The following CNTN5 variants were observed in gnomAD, a reference collection of about 807,000 sequenced individuals.
CNTN5 encodes the protein contactin-5.
In CNTN5, 77 loss-of-function variants were observed where a neutral mutation model predicts 129.1. The observed-to-expected ratio is 0.60, with a 90% confidence interval of 0.50 to 0.72. CNTN5 has a LOEUF of 0.72. Ranked by LOEUF, CNTN5 falls within the 30% of genes least tolerant of loss-of-function variation. CNTN5 has a pLI of 0.00. For synonymous variants in CNTN5, 509 were observed against 465.6 expected (o/e 1.09, Z -1.20); for missense variants, 1,478 against 1,328.8 (o/e 1.11, Z -1.75).
At chr11:99,831,855 A>G (rs1477477875) in intron 4 of CNTN5, among the ~76,000 whole-genome samples, 8 of 152,094 alleles carry the variant, frequency 5.3e-5, no homozygotes, top group Admixed American at 5.2e-4. Flanking sequence ...CACCTTTCCA[A>G]TTTGCTTCAA....
chr11:99,987,772 A>T (rs1276598347), intron 8 of CNTN5, among the ~76,000 whole-genome samples: 1 of 152,152 alleles, frequency 6.6e-6, no homozygotes, highest in Admixed American at 6.6e-5. Flanking sequence ...CTTCAGACTT[A>T]ATAAAGTCCT....
At chr11:99,598,026 T>C (rs1467611614) in intron 3 of CNTN5, among the ~76,000 whole-genome samples, 1 of 152,140 alleles carries the variant, frequency 6.6e-6, no homozygotes, top group Non-Finnish European at 1.5e-5. Context: ...TTTTTGGCAT[T>C]TACCACAATT....
intron 7 of CNTN5, among the ~76,000 whole-genome samples, chr11:99,948,115 A>G (rs1005962815): frequency 5.9e-5 from 9 of 152,192 alleles, no homozygotes; most frequent in African/African-American, 1.9e-4. Flanking sequence ...CTACGCATCA[A>G]ACACTGTCAT....
intron 6 of CNTN5, among the ~76,000 whole-genome samples, chr11:99,852,933 A>T (rs888618488): frequency 1.3e-5 from 2 of 152,332 alleles, no homozygotes; most frequent in South Asian, 4.1e-4. Context: ...AGACATTTTA[A>T]ATTTCACTTA....
At chr11:100,171,287 A>G (rs1947818194) in intron 13 of CNTN5, among the ~76,000 whole-genome samples, 1 of 152,044 alleles carries the variant, frequency 6.6e-6, no homozygotes, top group African/African-American at 2.4e-5. Flanking sequence ...CTTGCCCCGG[A>G]TGCTATCTCT....
Position 99,956,699 on chromosome 11 carries a change from A to G in CNTN5, c.674-107A>G, listed in dbSNP as rs566096986. ...ATATAGATACATGGATCAAATATGTATGACCTTGCAATATATCTAATGCTT... is the reference window on the plus strand; with the variant it reads ...ATATAGATACATGGATCAAATATGTGTGACCTTGCAATATATCTAATGCTT... On this transcript the variant is annotated intron_variant, in intron 7 of 24. Transcript: ENST00000524871. 1.3e-4 allele frequency: 95 copies of G among 712,584 alleles called. 2 individuals carry two copies. In the South Asian group the frequency reaches 1.7e-3, roughly 13 times the overall value. 44.1% of individuals were successfully genotyped at this position (712,584 alleles called of 1,614,324 possible). A position where few individuals can be genotyped will look rare whatever the true frequency, so the allele number is the denominator to read the frequency against.
chr11:99,546,503 G>A (rs757722506), intron 2 of CNTN5, among the ~76,000 whole-genome samples: 2 of 152,118 alleles, frequency 1.3e-5, no homozygotes, highest in Non-Finnish European at 2.9e-5. Flanking sequence ...GTTACAGCCT[G>A]TCAAGATGGA....
chr11:99,042,694 T>G (rs1864051119), intron 1 of CNTN5, among the ~76,000 whole-genome samples: 1 of 152,082 alleles, frequency 6.6e-6, no homozygotes, highest in Non-Finnish European at 1.5e-5. Flanking sequence ...CTTTAAACTC[T>G]AAGAATTCAA....
At chr11:99,587,191 G>T (rs1949821078) in intron 3 of CNTN5, among the ~76,000 whole-genome samples, 1 of 152,186 alleles carries the variant, frequency 6.6e-6, no homozygotes, top group Non-Finnish European at 1.5e-5. Context: ...TGGATATCCT[G>T]TCTCTGACAA....
At chr11:100,259,145 C>T (rs1381969631) in intron 17 of CNTN5, among the ~76,000 whole-genome samples, 1 of 152,048 alleles carries the variant, frequency 6.6e-6, no homozygotes, top group Admixed American at 6.6e-5. Context: ...GGGTTGCAAT[C>T]CTAGTCTCTG....
chr11:99,252,876 C>A lies in CNTN5; in HGVS notation c.-209-72470C>A, dbSNP rs1862182952. Among the ~76,000 whole-genome samples, 5 of 151,054 alleles carry A rather than the reference C, an allele frequency of 3.3e-5. No homozygotes were observed. In the South Asian group the frequency reaches 1.0e-3, roughly 31 times the overall value. On this transcript the variant is annotated intron_variant, in intron 1 of 24. Transcript: ENST00000524871. ...AAGTTGAATATATTTTAATATTCATCTTTTCTTTATGGTTTGTACATTTTG... is the reference window on the plus strand; with the variant it reads ...AAGTTGAATATATTTTAATATTCATATTTTCTTTATGGTTTGTACATTTTG...
rs76829750 is a variant in CNTN5, at chr11:100,304,427, C to T, written c.2621-3932C>T. Among the ~76,000 whole-genome samples the T allele has an allele frequency of 1.5e-3, 227 of 151,614 alleles. 3 individuals are homozygous for T. Among genetic ancestry groups the T allele is most frequent in the African/African-American group, 5.0e-3 (208 of 41,434 alleles). ...AGAGATCAGAAGAGTTTTAGAGATG[C>T]CTGAATGTGACATGACTGAGAAGGA... On this transcript the variant is annotated intron_variant, in intron 20 of 24. Transcript: ENST00000524871.
At chr11:99,630,674 T>C (rs542626129) in intron 3 of CNTN5, among the ~76,000 whole-genome samples, 2 of 152,272 alleles carry the variant, frequency 1.3e-5, no homozygotes, top group South Asian at 4.1e-4. Flanking sequence ...GTTCGCAATT[T>C]ACTTCAACAC....
At chr11:99,633,652 T>C (rs970234740) in intron 3 of CNTN5, among the ~76,000 whole-genome samples, 5 of 152,136 alleles carry the variant, frequency 3.3e-5, no homozygotes, top group African/African-American at 1.2e-4. Context: ...CCCAGAAAAG[T>C]AAACCATTTA....
intron 4 of CNTN5, among the ~76,000 whole-genome samples, chr11:99,829,784 G>A (rs933284486): frequency 2.0e-5 from 3 of 152,080 alleles, no homozygotes; most frequent in Non-Finnish European, 4.4e-5. Flanking sequence ...AATTGACCAA[G>A]GTTTAAAGTA....
chr11:99,392,957 G>C (rs565573102), intron 2 of CNTN5, among the ~76,000 whole-genome samples: 232 of 151,932 alleles, frequency 1.5e-3, no homozygotes, highest in African/African-American at 5.4e-3. Flanking sequence ...GCTTTGAATA[G>C]CATGTGGAAA....
intron 1 of CNTN5, among the ~76,000 whole-genome samples, chr11:99,149,080 G>C (rs1230877859): frequency 6.6e-6 from 1 of 152,060 alleles, no homozygotes. Context: ...ATCATTAGAG[G>C]TATTGTCAGG....
chr11:99,809,226 T>A (rs1416936799), intron 3 of CNTN5, among the ~76,000 whole-genome samples: 1 of 152,134 alleles, frequency 6.6e-6, no homozygotes, highest in African/African-American at 2.4e-5. Flanking sequence ...TAGCCCCAAT[T>A]TGAAAACAAC....
intron 2 of CNTN5, among the ~76,000 whole-genome samples, chr11:99,503,941 C>T (rs935245363): frequency 6.6e-6 from 1 of 151,976 alleles, no homozygotes; most frequent in Non-Finnish European, 1.5e-5. Context: ...GTATTTGTAA[C>T]AAAAATCTTA....
Sources: gnomAD v4.1 joint callset for allele counts (sites outside exome capture counted in the v4.1 genomes callset) on GRCh38, gnomAD v4.1.1 for gene constraint, MANE v1.5 for transcripts, NCBI Gene and HGNC (gene_info 2026-07-23, HGNC 2026-07-21) for gene names.